TAFA4: variants seen among roughly 807,000 people sequenced by gnomAD.
TAFA4 encodes TAFA chemokine like family member 4, also known as chemokine-like protein TAFA-4.
Under a neutral mutation model 21.1 loss-of-function variants are expected in TAFA4, and 20 were observed. The ratio of observed to expected loss-of-function variants is 0.95; its 90% CI spans 0.67 to 1.38. The LOEUF (loss-of-function observed/expected upper bound fraction) is 1.38. TAFA4 is among the 40% of genes most tolerant of loss of function. The probability of loss-of-function intolerance (pLI) is 0.00; values close to 1 mark genes in which losing one functional copy is unlikely to be tolerated. For synonymous variants in TAFA4, 71 were observed against 67.4 expected (o/e 1.05, Z -0.26); for missense variants, 211 against 180.9 (o/e 1.17, Z -0.95).
chr3:68,754,785 C>G (rs939960158), intron 3 of TAFA4, among the ~76,000 whole-genome samples: 1 of 152,172 alleles, frequency 6.6e-6, no homozygotes, highest in Non-Finnish European at 1.5e-5. Flanking sequence ...AGTTGTAAAA[C>G]TGATTCTATG....
chr3:68,872,360 A>G (rs1199992721), intron 3 of TAFA4, among the ~76,000 whole-genome samples: 1 of 152,130 alleles, frequency 6.6e-6, no homozygotes, highest in Non-Finnish European at 1.5e-5. Context: ...AGTAGATTTC[A>G]TACTGGTAGA....
At chr3:68,897,404 A>AT (rs142839095) in intron 1 of TAFA4, among the ~76,000 whole-genome samples, 28,445 of 151,826 alleles carry the variant, frequency 0.19, 3,269 homozygotes, top group East Asian at 0.49. Flanking sequence ...AGGGGGGCAG[A>AT]CACCTGAGAT....
chr3:68,768,692 G>A (rs1022698840), intron 3 of TAFA4, among the ~76,000 whole-genome samples: 2 of 152,174 alleles, frequency 1.3e-5, no homozygotes, highest in Non-Finnish European at 2.9e-5. Flanking sequence ...ATCAACCTAA[G>A]TGTCCATCAG....
At chr3:68,907,359 G>A (rs891834090) in intron 1 of TAFA4, among the ~76,000 whole-genome samples, 2 of 152,118 alleles carry the variant, frequency 1.3e-5, no homozygotes, top group Non-Finnish European at 2.9e-5. Context: ...AGAATGCCTG[G>A]ATCCTCATAT....
intron 1 of TAFA4, among the ~76,000 whole-genome samples, chr3:68,922,261 C>T (rs572612829): frequency 1.3e-5 from 2 of 152,312 alleles, no homozygotes; most frequent in Admixed American, 6.5e-5. Context: ...ATTCACAGGC[C>T]TCATCCCAGA....
intron 3 of TAFA4, among the ~76,000 whole-genome samples, chr3:68,779,532 C>T (rs1454498407): frequency 6.6e-6 from 1 of 152,108 alleles, no homozygotes; most frequent in African/African-American, 2.4e-5. Flanking sequence ...GACTTAGTGC[C>T]CTGCATCCTA....
At chr3:68,843,081 G>T (rs1704702164) in intron 3 of TAFA4, among the ~76,000 whole-genome samples, 1 of 152,172 alleles carries the variant, frequency 6.6e-6, no homozygotes, top group Admixed American at 6.5e-5. Context: ...GAAAGTCAAT[G>T]GTGGTTTGTT....
intron 1 of TAFA4, among the ~76,000 whole-genome samples, chr3:68,917,770 A>G (rs567102254): frequency 4.7e-4 from 70 of 150,004 alleles, no homozygotes; most frequent in Non-Finnish European, 8.0e-4. Context: ...AAAAAAAAAA[A>G]AAAGAAAGTT....
At chr3:68,769,643 C>A (rs1702917074) in intron 3 of TAFA4, among the ~76,000 whole-genome samples, 1 of 152,176 alleles carries the variant, frequency 6.6e-6, no homozygotes, top group Non-Finnish European at 1.5e-5. Context: ...TTGATTTTTA[C>A]ACAATGCATA....
rs905264142 is a variant in TAFA4, at chr3:68,774,198, C to T, written c.131-21180G>A. 2.2e-4 allele frequency among the ~76,000 whole-genome samples: 33 copies of T among 152,088 alleles called. 1 individual carries two copies. Among genetic ancestry groups the T allele is most frequent in the African/African-American group, 8.0e-4 (33 of 41,402 alleles). On this transcript the variant is annotated intron_variant, in intron 3 of 5. Coordinates refer to ENST00000295569, the MANE Select transcript of TAFA4 (RefSeq NM_182522.5). ...TACTCCTGGAAATACCTGCTAAGAT[C>T]AATAGCAATAAAAACCTGGAATTTA...
chr3:68,899,731 A>T (rs558299497), intron 1 of TAFA4, among the ~76,000 whole-genome samples: 1 of 152,254 alleles, frequency 6.6e-6, no homozygotes, highest in South Asian at 2.1e-4. Context: ...GATGCACCAC[A>T]CACTTTAGGA....
chr3:68,847,577 G>A (rs1037676831), intron 3 of TAFA4, among the ~76,000 whole-genome samples: 11 of 152,170 alleles, frequency 7.2e-5, no homozygotes, highest in Admixed American at 2.6e-4. Context: ...CAGTTAGCTC[G>A]GTGTCTACCC....
intron 3 of TAFA4, among the ~76,000 whole-genome samples, chr3:68,843,594 C>T (rs1310855521): frequency 1.3e-5 from 2 of 152,156 alleles, no homozygotes; most frequent in Non-Finnish European, 1.5e-5. Context: ...CTGTCTTGTG[C>T]GAGTTTTCAA....
rs190918289 is a variant in TAFA4 at position 68,892,878 on chromosome 3, T to C, written c.-122-7568A>G. Among the ~76,000 whole-genome samples the C allele has an allele frequency of 6.0e-4, 91 of 152,310 alleles. 1 individual carries two copies. Among genetic ancestry groups the C allele is most frequent in the African/African-American group, 2.1e-3 (86 of 41,568 alleles). On this transcript the variant is annotated intron_variant, in intron 1 of 5. Coordinates refer to ENST00000295569, the MANE Select transcript of TAFA4 (RefSeq NM_182522.5). ...GTAATAATGAATAACTGAGATCCAGTATACATAAAACTGAAAACTTAGCTG... is the reference window on the plus strand; with the variant it reads ...GTAATAATGAATAACTGAGATCCAGCATACATAAAACTGAAAACTTAGCTG...
intron 3 of TAFA4, among the ~76,000 whole-genome samples, chr3:68,854,805 T>C (rs180990055): frequency 3.0e-4 from 45 of 152,232 alleles, no homozygotes; most frequent in Admixed American, 2.4e-3. Context: ...TTCACAGAGG[T>C]GTGCTTTCCA....
intron 3 of TAFA4, among the ~76,000 whole-genome samples, chr3:68,791,223 A>G (rs1703354884): frequency 6.6e-6 from 1 of 152,362 alleles, no homozygotes; most frequent in East Asian, 1.9e-4. Context: ...TGTAAATGTG[A>G]CCTTGTTTGG....
chr3:68,884,583 C>T (rs988038405), intron 2 of TAFA4, among the ~76,000 whole-genome samples: 2 of 152,204 alleles, frequency 1.3e-5, no homozygotes, highest in African/African-American at 4.8e-5. Flanking sequence ...AATTCACTTC[C>T]CACTGGACAA....
chr3:68,844,165 T>C (rs1367967363), intron 3 of TAFA4, among the ~76,000 whole-genome samples: 6 of 152,210 alleles, frequency 3.9e-5, no homozygotes, highest in Non-Finnish European at 8.8e-5. Context: ...TTTTGGTTGG[T>C]AGGCTATTAA....
chr3:68,883,339 G>T (rs1230788427), intron 2 of TAFA4, among the ~76,000 whole-genome samples: 1 of 152,202 alleles, frequency 6.6e-6, no homozygotes, highest in Non-Finnish European at 1.5e-5. Flanking sequence ...CTCCTTCATG[G>T]TTTGAATCTC....
Sources: gnomAD v4.1 joint callset for allele counts (sites outside exome capture counted in the v4.1 genomes callset) on GRCh38, gnomAD v4.1.1 for gene constraint, MANE v1.5 for transcripts, NCBI Gene and HGNC (gene_info 2026-07-23, HGNC 2026-07-21) for gene names.